The following CNKSR2 variants were observed in gnomAD, a reference collection of about 807,000 sequenced individuals.
CNKSR2 encodes connector enhancer of kinase suppressor of Ras 2.
Under a neutral mutation model 84.4 loss-of-function variants are expected in CNKSR2, and 14 were observed. The ratio of observed to expected loss-of-function variants is 0.17; its 90% CI spans 0.11 to 0.26. The LOEUF is 0.26. CNKSR2 is among the 10% of genes least tolerant of loss of function. CNKSR2 has a pLI of 1.00. For missense variants in CNKSR2, 485 were observed against 771.2 expected, an observed-to-expected ratio of 0.63 and a Z score of 4.40; for synonymous variants, 275 against 277.9, an observed-to-expected ratio of 0.99 and a Z score of 0.10.
At chrX:21,581,718 G>A (rs1419702455) in intron 13 of CNKSR2, among the ~76,000 whole-genome samples, 1 of 112,261 alleles carries the variant, frequency 8.9e-6, no homozygotes, top group East Asian at 2.8e-4. Flanking sequence ...TAGGTGGTGA[G>A]TAACTATTCA....
intron 1 of CNKSR2, among the ~76,000 whole-genome samples, chrX:21,392,690 A>C (rs908810363): frequency 1.8e-5 from 2 of 111,326 alleles, no homozygotes; most frequent in Non-Finnish European, 3.8e-5. Context: ...CATACCAAGC[A>C]GTTTTGCTGA....
At chrX:21,556,099 A>G in intron 11 of CNKSR2, among the ~76,000 whole-genome samples, 1 of 110,974 alleles carries the variant, frequency 9.0e-6, no homozygotes, top group Admixed American at 9.6e-5. Flanking sequence ...AAGGAAATGG[A>G]AAATTAGAAG....
intron 4 of CNKSR2, among the ~76,000 whole-genome samples, chrX:21,465,545 TA>T (rs1226765855): frequency 9.0e-6 from 1 of 111,650 alleles, no homozygotes; most frequent in Non-Finnish European, 1.9e-5. Context: ...ATGGATTATT[TA>T]TATATTACTT....
intron 10 of CNKSR2, among the ~76,000 whole-genome samples, chrX:21,530,360 CT>C (rs1288064493): frequency 9.0e-6 from 1 of 111,114 alleles, no homozygotes; most frequent in Non-Finnish European, 1.9e-5. Context: ...ATTTCAAATA[CT>C]GGGAATATAG....
At chrX:21,645,895 T>C (rs773760448) in intron 20 of CNKSR2, 2 of 111,708 alleles carry the variant, frequency 1.8e-5, no homozygotes, top group Non-Finnish European at 3.8e-5. Flanking sequence ...TAAAAGAAAA[T>C]AAAGGTCTGT....
intron 11 of CNKSR2, among the ~76,000 whole-genome samples, chrX:21,552,058 G>A (rs762455472): frequency 6.6e-5 from 7 of 106,423 alleles, no homozygotes; most frequent in Admixed American, 1.0e-4. Flanking sequence ...GAGACAATAC[G>A]TTTATCCCTA....
At chrX:21,416,741 T>C (rs770395645) in intron 1 of CNKSR2, among the ~76,000 whole-genome samples, 1 of 111,814 alleles carries the variant, frequency 8.9e-6, no homozygotes, top group African/African-American at 3.2e-5. Flanking sequence ...TAGTAGCCAC[T>C]AATGATCCTT....
chrX:21,445,784 C>CT (rs1218048284), intron 4 of CNKSR2, among the ~76,000 whole-genome samples: 3 of 111,802 alleles, frequency 2.7e-5, no homozygotes, highest in Non-Finnish European at 5.7e-5. Context: ...GGATTTAATT[C>CT]TTTTTATGGC....
At chrX:21,398,019 A>G (rs2090141584) in intron 1 of CNKSR2, among the ~76,000 whole-genome samples, 1 of 111,719 alleles carries the variant, frequency 9.0e-6, no homozygotes, top group Admixed American at 9.5e-5. Flanking sequence ...ACTTTATATC[A>G]TTTAAACTGT....
At chrX:21,594,926 T>G in intron 15 of CNKSR2, 48 bp from the exon 16 acceptor site, 1 of 975,435 alleles carries the variant, frequency 1.0e-6, no homozygotes, top group Non-Finnish European at 1.5e-6. Flanking sequence ...TATCATTACC[T>G]TCACACCTTT....
rs201716839 is a variant in CNKSR2 at position 21,439,951 on chromosome X, CA to C, written c.432-734del. 2.4e-4 allele frequency among the ~76,000 whole-genome samples: 26 copies of C among 107,776 alleles called. No individual in the cohort carries two copies. The East Asian group carries it at 6.7e-3, about 28-fold the overall frequency. 93.6% of individuals were successfully genotyped at this position (107,776 alleles called of 115,157 possible). On this transcript the variant is annotated intron_variant, in intron 3 of 21. Transcript: ENST00000379510. ...ATTATCCTGATATACCCCTCCCCCC[CA>C]AAAAAAAACTACAGACCAATATTTC...
At chrX:21,389,119 C>T (rs7059016) in intron 1 of CNKSR2, among the ~76,000 whole-genome samples, 5,133 of 105,835 alleles carry the variant, frequency 0.049, 314 homozygotes, top group African/African-American at 0.16. Flanking sequence ...TTCAGAATAC[C>T]GAACCAATAC....
At chrX:21,482,635 G>C (rs1290400475) in intron 5 of CNKSR2, among the ~76,000 whole-genome samples, 2 of 112,052 alleles carry the variant, frequency 1.8e-5, no homozygotes, top group African/African-American at 6.5e-5. Flanking sequence ...TAGGCTGTTA[G>C]GGGTCATTGC....
chrX:21,642,579 T>G, intron 20 of CNKSR2: 2 of 740,379 alleles, frequency 2.7e-6, no homozygotes, highest in Non-Finnish European at 3.2e-6. Context: ...TAATGCTAAT[T>G]AATGATATTT....
intron 12 of CNKSR2, among the ~76,000 whole-genome samples, chrX:21,561,816 G>A (rs2092192755): frequency 9.0e-6 from 1 of 110,507 alleles, no homozygotes; most frequent in Admixed American, 9.6e-5. Context: ...TTATTTGAAA[G>A]GTAATATTTG....
At chrX:21,535,599 T>C (rs969080360) in intron 11 of CNKSR2, among the ~76,000 whole-genome samples, 4 of 111,077 alleles carry the variant, frequency 3.6e-5, no homozygotes, top group Non-Finnish European at 7.6e-5. Flanking sequence ...CTTCCTTGGT[T>C]AACTTTATTT....
chrX:21,388,164 G>C (rs991616243), intron 1 of CNKSR2, among the ~76,000 whole-genome samples: 4 of 111,756 alleles, frequency 3.6e-5, no homozygotes, highest in African/African-American at 1.3e-4. Flanking sequence ...CTCCCAAAGT[G>C]CTGGGATTAC....
chrX:21,434,791 AAG>A (rs2090681685), intron 3 of CNKSR2, among the ~76,000 whole-genome samples: 1 of 109,821 alleles, frequency 9.1e-6, no homozygotes, highest in African/African-American at 3.3e-5. Context: ...GAGAAAGAAA[AAG>A]AAAGAATAGG....
chrX:21,547,160 C>T (rs1275220184), intron 11 of CNKSR2, among the ~76,000 whole-genome samples: 1 of 111,047 alleles, frequency 9.0e-6, no homozygotes, highest in Non-Finnish European at 1.9e-5. Flanking sequence ...CAAGACCCGT[C>T]AGTGTAGTAT....
Sources: gnomAD v4.1 joint callset for allele counts (sites outside exome capture counted in the v4.1 genomes callset) on GRCh38, gnomAD v4.1.1 for gene constraint, MANE v1.5 for transcripts, NCBI Gene and HGNC (gene_info 2026-07-23, HGNC 2026-07-21) for gene names.